Variants in STXBP5 observed in about 807,000 individuals in gnomAD.
The protein encoded by STXBP5 is syntaxin binding protein 5.
STXBP5 carries 50 observed loss-of-function variants against 152.4 expected under a neutral mutation model. The ratio of observed to expected loss-of-function variants is 0.33; its 90% CI spans 0.26 to 0.42. The LOEUF is 0.42. Among genes scored for constraint, STXBP5 ranks in the 10% least tolerant of loss-of-function variants. The pLI is 1.00. For synonymous variants in STXBP5, 492 were observed against 494.7 expected (o/e 0.99, Z 0.07); for missense variants, 1,167 against 1,388.6 (o/e 0.84, Z 2.54).
At chr6:147,270,396 CAA>C (rs71031020) in intron 7 of STXBP5, among the ~76,000 whole-genome samples, 15 of 90,148 alleles carry the variant, frequency 1.7e-4, no homozygotes, top group African/African-American at 2.7e-4. Flanking sequence ...GAGACTCTGT[CAA>C]AAAAAAAAAA....
intron 2 of STXBP5, among the ~76,000 whole-genome samples, chr6:147,212,793 A>G (rs1469099749): frequency 2.0e-5 from 3 of 152,224 alleles, no homozygotes; most frequent in African/African-American, 4.8e-5. Context: ...GAGCATGTGA[A>G]TGAACTAACA....
intron 22 of STXBP5, 78 bp from the exon 23 acceptor site, chr6:147,359,006 C>T (rs1784937711): frequency 6.6e-7 from 1 of 1,513,678 alleles, no homozygotes; most frequent in Non-Finnish European, 8.9e-7. Context: ...AACTATTTGA[C>T]CAAATTTATA....
At chr6:147,265,081 C>T (rs1779826241) in intron 6 of STXBP5, among the ~76,000 whole-genome samples, 1 of 151,964 alleles carries the variant, frequency 6.6e-6, no homozygotes, top group Non-Finnish European at 1.5e-5. Flanking sequence ...TCTTCTCTTT[C>T]CTTATTCTCA....
intron 4 of STXBP5, among the ~76,000 whole-genome samples, chr6:147,258,863 T>C (rs1296344008): frequency 6.6e-6 from 1 of 152,118 alleles, no homozygotes; most frequent in Non-Finnish European, 1.5e-5. Context: ...AAGGTAAGGA[T>C]TTTAATATCA....
chr6:147,345,394 G>T (rs1490409843), intron 21 of STXBP5, among the ~76,000 whole-genome samples: 1 of 152,090 alleles, frequency 6.6e-6, no homozygotes, highest in African/African-American at 2.4e-5. Context: ...CTACTTCTTG[G>T]TTCCACTTTT....
At chr6:147,326,138 C>G (rs1235252035) in intron 17 of STXBP5, among the ~76,000 whole-genome samples, 1 of 152,174 alleles carries the variant, frequency 6.6e-6, no homozygotes, top group Non-Finnish European at 1.5e-5. Flanking sequence ...CAAACTAACA[C>G]TGGCTACAGT....
intron 16 of STXBP5, among the ~76,000 whole-genome samples, chr6:147,317,737 G>C (rs531593425): frequency 6.6e-6 from 1 of 152,244 alleles, no homozygotes; most frequent in East Asian, 1.9e-4. Flanking sequence ...ACTTATAACT[G>C]TAGTTCTAGC....
chr6:147,251,639 A>T (rs1029653451), intron 4 of STXBP5, among the ~76,000 whole-genome samples: 7 of 152,160 alleles, frequency 4.6e-5, no homozygotes, highest in Non-Finnish European at 1.5e-5. Context: ...GAGCACTTGG[A>T]GAAAGGGGCA....
Position 147,359,252 on chromosome 6 carries a change from T to C in STXBP5, c.2474T>C (p.Leu825Pro). The change falls in exon 23 of 28, where the codon CTT (leucine) becomes CCT (proline). Residue 825 changes from leucine (L) to proline (P), a missense_variant. Transcript: ENST00000321680. The part of the protein sequence containing the change: ...LWVGTTLGTV[L>P]VIALNLPPGG... ...GTTGGAACAACGCTAGGAACAGTGC[T>C]TGTCATTGCACTGAACCTTCCCCCA... 6.2e-7 allele frequency: 1 copy of C among 1,614,034 alleles called. No homozygotes were observed. The highest frequency in any genetic ancestry group is 8.5e-7 in the Non-Finnish European group (1 of 1,179,912).
At chr6:147,243,118 T>A (rs546709994) in intron 4 of STXBP5, among the ~76,000 whole-genome samples, 2 of 152,218 alleles carry the variant, frequency 1.3e-5, no homozygotes, top group Non-Finnish European at 2.9e-5. Context: ...GGAGTGCTAT[T>A]GCTGGATCAT....
At chr6:147,347,984 GTAT>G (rs1461006157) in intron 21 of STXBP5, among the ~76,000 whole-genome samples, 10 of 152,170 alleles carry the variant, frequency 6.6e-5, no homozygotes, top group Admixed American at 2.0e-4. Context: ...ATACTTTTCT[GTAT>G]TATTTGAATT....
chr6:147,363,591 T>G lies in STXBP5; in HGVS notation c.2802T>G (p.Ala934=). 1.2e-6 allele frequency: 2 copies of G among 1,614,202 alleles called. No homozygotes were observed. The highest frequency in any genetic ancestry group is 1.7e-6 in the Non-Finnish European group (2 of 1,180,028). The change falls in exon 24 of 28, where the codon GCT becomes GCG. Residue 934 remains alanine (A), a synonymous_variant. Transcript: ENST00000321680. ...KVISLPTQNC[A]YKQNITETSF... is the part of the protein sequence containing the mutation. ...TCTCACTGCCAACCCAGAACTGTGC[T>G]TATAAGCAAAATATTACAGAGACCT...
chr6:147,211,183 G>T (rs1353102516), intron 2 of STXBP5, among the ~76,000 whole-genome samples: 2 of 152,014 alleles, frequency 1.3e-5, no homozygotes, highest in South Asian at 2.1e-4. Context: ...GGTGGTGCAC[G>T]CCTGTAATCC....
chr6:147,357,427 G>A (rs951245008), intron 22 of STXBP5, among the ~76,000 whole-genome samples: 1 of 152,126 alleles, frequency 6.6e-6, no homozygotes, highest in African/African-American at 2.4e-5. Context: ...GATAAGGCCA[G>A]GAGGGTAGAT....
chr6:147,215,005 T>C lies in STXBP5; in HGVS notation c.248+8937T>C, dbSNP rs146587506. Among the ~76,000 whole-genome samples, 414 of 152,346 alleles carry C rather than the reference T, an allele frequency of 2.7e-3. 1 individual carries two copies. Among genetic ancestry groups the C allele is most frequent in the African/African-American group, 9.5e-3 (393 of 41,584 alleles). ...CAGACACTTAAAGAAGATCTGAGTC[T>C]GTAGGAGTCAGTGAACATTTCCTGT... On this transcript the variant is annotated intron_variant, in intron 2 of 27. Coordinates refer to ENST00000321680, the MANE Select transcript of STXBP5 (RefSeq NM_001127715.4).
chr6:147,335,930 A>G (rs1242827155), intron 19 of STXBP5, among the ~76,000 whole-genome samples: 1 of 152,266 alleles, frequency 6.6e-6, no homozygotes, highest in Non-Finnish European at 1.5e-5. Context: ...AAGGAAAGTA[A>G]TAGAGAAGTT....
rs115442726 is a variant in STXBP5, at chr6:147,379,389, T to C, written c.3194-3389T>C. On this transcript the variant is annotated intron_variant, in intron 26 of 27. Coordinates refer to ENST00000321680, the MANE Select transcript of STXBP5 (RefSeq NM_001127715.4). Reference sequence around the variant, plus strand: ...AATCTCCATGGGGAAAGTAGAAAATTAGAAAAATTTGTTGAGAGAAGTTAA... The same window carrying C: ...AATCTCCATGGGGAAAGTAGAAAATCAGAAAAATTTGTTGAGAGAAGTTAA... 9.4e-3 allele frequency among the ~76,000 whole-genome samples: 1,433 copies of C among 152,190 alleles called. 8 individuals carry two copies. The highest frequency in any genetic ancestry group is 0.03 in the African/African-American group (1,230 of 41,544).
At chr6:147,365,138 G>A (rs9497759) in intron 25 of STXBP5, among the ~76,000 whole-genome samples, 102,088 of 151,970 alleles carry the variant, frequency 0.67, 35,402 homozygotes, top group African/African-American at 0.86. Flanking sequence ...TGTTGTCCTC[G>A]TTGTGTTATT....
intron 10 of STXBP5, among the ~76,000 whole-genome samples, chr6:147,311,231 C>G (rs962008477): frequency 6.6e-6 from 1 of 152,092 alleles, no homozygotes; most frequent in Non-Finnish European, 1.5e-5. Context: ...ATAGAAATTT[C>G]TGTCTTACTC....
Sources: allele counts gnomAD v4.1 joint callset (sites outside exome capture counted in the v4.1 genomes callset), GRCh38; gene constraint gnomAD v4.1.1; transcripts MANE v1.5; gene names NCBI Gene and HGNC (gene_info 2026-07-23, HGNC 2026-07-21).